The following BLTP3B variants were observed in gnomAD, a reference collection of about 807,000 sequenced individuals.
BLTP3B encodes the protein bridge-like lipid transfer protein family member 3B, also known as UHRF1 (ICBP90) binding protein 1-like.
the BLTP3B span, among the ~76,000 whole-genome samples, chr12:100,138,860 TACAC>T: frequency 7.1e-6 from 1 of 141,526 alleles, no homozygotes; most frequent in African/African-American, 3.0e-5. Flanking sequence ...TGTATACACA[TACAC>T]ATACACACAC....
the BLTP3B span, among the ~76,000 whole-genome samples, chr12:100,102,258 T>A: frequency 1.3e-5 from 2 of 152,054 alleles, no homozygotes; most frequent in African/African-American, 4.8e-5. Context: ...TAAAGGTGCA[T>A]GGCGCCATGC....
chr12:100,098,245 C>A, the BLTP3B span: 1 of 1,254,324 alleles, frequency 8.0e-7, no homozygotes, highest in East Asian at 2.5e-5. Flanking sequence ...AAAAGTAATA[C>A]AGAGAAAAGC....
At chr12:100,109,205 T>A in the BLTP3B span, among the ~76,000 whole-genome samples, 4 of 133,710 alleles carry the variant, frequency 3.0e-5, no homozygotes, top group Non-Finnish European at 4.8e-5. Flanking sequence ...TCTCTCTCTC[T>A]CTCTCTCTCC....
the BLTP3B span, among the ~76,000 whole-genome samples, chr12:100,109,086 G>C: frequency 6.6e-6 from 1 of 151,820 alleles, no homozygotes; most frequent in Non-Finnish European, 1.5e-5. Context: ...CTGGATCATG[G>C]GGGTAGTTTC....
the BLTP3B span, chr12:100,069,968 C>G: frequency 3.3e-6 from 4 of 1,200,090 alleles, no homozygotes; most frequent in Non-Finnish European, 4.1e-6. Flanking sequence ...GGCTGGAATA[C>G]TATGATTATG....
the BLTP3B span, among the ~76,000 whole-genome samples, chr12:100,065,293 A>G: frequency 6.6e-6 from 1 of 151,960 alleles, no homozygotes; most frequent in South Asian, 2.1e-4. Context: ...ATATGAAATC[A>G]GTGCACCTTG....
chr12:100,131,021 GA>G, the BLTP3B span, among the ~76,000 whole-genome samples: 1 of 144,740 alleles, frequency 6.9e-6, no homozygotes, highest in Non-Finnish European at 1.5e-5. Flanking sequence ...GAGAGAGAGA[GA>G]GAGAGAGAGA....
the BLTP3B span, among the ~76,000 whole-genome samples, chr12:100,080,224 T>G: frequency 6.6e-6 from 1 of 152,166 alleles, no homozygotes; most frequent in African/African-American, 2.4e-5. Flanking sequence ...CACTGACACC[T>G]TGCACCATGT....
At chr12:100,118,783 T>C in the BLTP3B span, among the ~76,000 whole-genome samples, 4 of 152,222 alleles carry the variant, frequency 2.6e-5, no homozygotes, top group East Asian at 1.9e-4. Flanking sequence ...TTTTATTGTA[T>C]GTAAATTTCA....
At chr12:100,050,055 T>A in the BLTP3B span, 1 of 1,088,040 alleles carries the variant, frequency 9.2e-7, no homozygotes. Context: ...TAAGTAAATG[T>A]AATTTTCCTT....
chr12:100,049,266 G>A, the BLTP3B span, among the ~76,000 whole-genome samples: 6 of 152,062 alleles, frequency 3.9e-5, no homozygotes, highest in Admixed American at 1.3e-4. Context: ...AAACAAACTC[G>A]TCCTGGAAAG....
At chr12:100,054,709 A>C in the BLTP3B span, among the ~76,000 whole-genome samples, 46 of 152,274 alleles carry the variant, frequency 3.0e-4, no homozygotes, top group Non-Finnish European at 5.7e-4. Context: ...TATGAATTAT[A>C]ACAGAGTTAG....
At chr12:100,125,959 C>T in the BLTP3B span, among the ~76,000 whole-genome samples, 1 of 152,078 alleles carries the variant, frequency 6.6e-6, no homozygotes, top group Non-Finnish European at 1.5e-5. Context: ...GGGTGATGAT[C>T]AATTCTCTTA....
the BLTP3B span, chr12:100,048,042 T>C: frequency 3.1e-6 from 5 of 1,611,974 alleles, no homozygotes; most frequent in Admixed American, 3.4e-5. Flanking sequence ...TAAGAGAAGA[T>C]GTAAGAAACT....
the BLTP3B span, among the ~76,000 whole-genome samples, chr12:100,048,761 A>T: frequency 2.4e-5 from 3 of 126,326 alleles, no homozygotes; most frequent in African/African-American, 9.8e-5. Flanking sequence ...AGAGAGAGAG[A>T]GTGAGAGTGA....
the BLTP3B span, among the ~76,000 whole-genome samples, chr12:100,125,205 G>A: frequency 1.3e-5 from 2 of 150,350 alleles, no homozygotes; most frequent in Non-Finnish European, 3.0e-5. Flanking sequence ...GGAGGCACAC[G>A]CCTGTAATTC....
chr12:100,050,866 C>CA, the BLTP3B span, among the ~76,000 whole-genome samples: 2 of 151,922 alleles, frequency 1.3e-5, no homozygotes, highest in Non-Finnish European at 2.9e-5. Flanking sequence ...AAAGAGCCTC[C>CA]ACTCCTCAAT....
chr12:100,050,238 T>C, the BLTP3B span: 3 of 1,611,616 alleles, frequency 1.9e-6, no homozygotes, highest in South Asian at 1.1e-5. Context: ...CCTGGTTCAC[T>C]TGAAGACAGA....
At chr12:100,050,194 C>T in the BLTP3B span, 9 of 1,567,552 alleles carry the variant, frequency 5.7e-6, no homozygotes, top group Admixed American at 2.0e-5. Flanking sequence ...AAGGTAATGC[C>T]GAAGGCTGAT....
Sources: gnomAD v4.1 joint callset for allele counts (sites outside exome capture counted in the v4.1 genomes callset) on GRCh38, gnomAD v4.1.1 for gene constraint, MANE v1.5 for transcripts, NCBI Gene and HGNC (gene_info 2026-07-23, HGNC 2026-07-21) for gene names.